MED21: variants seen among roughly 807,000 people sequenced by gnomAD.
MED21 encodes mediator complex subunit 21.
Under a neutral mutation model 18.2 loss-of-function variants are expected in MED21, and 9 were observed. The ratio of observed to expected loss-of-function variants is 0.49; its 90% CI spans 0.30 to 0.86. The LOEUF is 0.86. Among genes scored for constraint, MED21 ranks in the 40% least tolerant of loss-of-function variants. The pLI, the probability that MED21 is intolerant of heterozygous loss-of-function variation, is 0.07. For synonymous variants in MED21, 73 were observed against 60.5 expected (o/e 1.21, Z -0.96); for missense variants, 150 against 170.9 (o/e 0.88, Z 0.68).
chr12:27,036,478 A>G (rs1303638414), intron 2 of MED21, among the ~76,000 whole-genome samples: 1 of 152,152 alleles, frequency 6.6e-6, no homozygotes, highest in Non-Finnish European at 1.5e-5. Context: ...TTTTATTGCC[A>G]TTGCTTTTGG....
downstream of MED21, among the ~76,000 whole-genome samples, chr12:27,033,744 T>G (rs1941633288): frequency 6.6e-6 from 1 of 152,120 alleles, no homozygotes. Context: ...TACTAAGAGA[T>G]AAAACTCAGG....
At position 27,029,051 on chromosome 12, in the gene MED21, C is replaced by T; in HGVS notation, c.*590C>T. The T allele has an allele frequency of 3.0e-6, 3 of 985,390 alleles. No individual in the cohort carries two copies. Among genetic ancestry groups the T allele is most frequent in the Non-Finnish European group, 3.6e-6 (3 of 829,912 alleles). The allele number at this position is 985,390 out of a possible 1,614,324, so 61.0% of individuals were successfully genotyped here. On this transcript the variant is annotated 3_prime_UTR_variant, in exon 4 of 4. Coordinates refer to ENST00000282892, the MANE Select transcript of MED21 (RefSeq NM_004264.5). ...CTAGTTCATCTCCACGTTTATTTTACCAAGAGATCCTCTGTCAAGAGAATT... is the reference window on the plus strand; with the variant it reads ...CTAGTTCATCTCCACGTTTATTTTATCAAGAGATCCTCTGTCAAGAGAATT...
At chr12:27,037,566 G>A (rs1372319752) in intron 2 of MED21, 1 of 152,100 alleles carries the variant, frequency 6.6e-6, no homozygotes, top group Non-Finnish European at 1.5e-5. Context: ...AGTAAACATG[G>A]AAAAATAGCA....
At chr12:27,022,835 T>A in intron 1 of MED21, 1 of 1,481,624 alleles carries the variant, frequency 6.7e-7, no homozygotes, top group Non-Finnish European at 9.0e-7. Context: ...AGCAGACTCT[T>A]TCGCTTGAGG....
chr12:27,025,411 TA>T (rs1941530699), intron 1 of MED21, among the ~76,000 whole-genome samples: 1 of 152,214 alleles, frequency 6.6e-6, no homozygotes, highest in Non-Finnish European at 1.5e-5. Flanking sequence ...GTTGGAGATT[TA>T]TCTTGAAGAC....
chr12:27,025,954 A>G (rs528368259), intron 1 of MED21, among the ~76,000 whole-genome samples: 1 of 152,296 alleles, frequency 6.6e-6, no homozygotes, highest in South Asian at 2.1e-4. Flanking sequence ...ATTTCTTTAC[A>G]CTTGTAACTA....
chr12:27,025,832 C>A lies in MED21; in HGVS notation c.43-588C>A, dbSNP rs79165374. Among the ~76,000 whole-genome samples, 1,044 of 152,142 alleles carry A rather than the reference C, an allele frequency of 6.9e-3. 16 individuals are homozygous for A. Among genetic ancestry groups the A allele is most frequent in the African/African-American group, 0.023 (970 of 41,558 alleles). The stretch of plus-strand genomic sequence containing the variant: ...ATGGTAAGGAATTGCTATTCCCAAT[C>A]TTTAAAAGTACTTAAGGAATACTTT... On this transcript the variant is annotated intron_variant, in intron 1 of 3. Transcript: ENST00000282892.
chr12:27,033,818 A>G (rs915556305), downstream of MED21, among the ~76,000 whole-genome samples: 7 of 152,254 alleles, frequency 4.6e-5, no homozygotes, highest in Admixed American at 6.5e-5. Flanking sequence ...CAAACTATGC[A>G]TAGAAACTTG....
intron 2 of MED21, among the ~76,000 whole-genome samples, chr12:27,036,152 C>T (rs1941648373): frequency 6.6e-6 from 1 of 152,168 alleles, no homozygotes; most frequent in Non-Finnish European, 1.5e-5. Flanking sequence ...GAGATGATAT[C>T]CCATTGTGGT....
chr12:27,033,131 A>G (rs1052357873), downstream of MED21, among the ~76,000 whole-genome samples: 2 of 152,172 alleles, frequency 1.3e-5, no homozygotes, highest in Admixed American at 6.5e-5. Context: ...CCCTATTGCA[A>G]TAGTTCCTCT....
Position 27,022,567 on chromosome 12 carries a change from C to G in MED21, c.-13C>G. The G allele has an allele frequency of 6.5e-7, 1 of 1,538,168 alleles. No homozygotes were observed. The highest frequency in any genetic ancestry group is 1.4e-5 in the African/African-American group (1 of 72,410). On this transcript the variant is annotated 5_prime_UTR_variant, in exon 1 of 4. Transcript: ENST00000282892. The stretch of plus-strand genomic sequence containing the variant: ...GAGCAGCTGTTTTGGCGTCTGTTTG[C>G]TGCGGTAGGAACATGGCGGATCGGC...
rs779768819 is a variant in MED21 at position 27,028,251 on chromosome 12, ACT to A, written c.259-31_259-30del. The A allele has an allele frequency of 7.8e-6, 12 of 1,546,798 alleles. No individual in the cohort carries two copies. In the African/African-American group the frequency reaches 1.6e-4, roughly 21 times the overall value. On this transcript the variant is annotated intron_variant, in intron 3 of 3. Coordinates refer to ENST00000282892, the MANE Select transcript of MED21 (RefSeq NM_004264.5). ...CATCTGTGACAGCTTCTCTTTCTAA[ACT>A]CTAAAGATTTTAAAATTTGTGTCTT...
intron 2 of MED21, 38 bp downstream of exon 2, chr12:27,026,572 C>A: frequency 2.3e-6 from 3 of 1,320,818 alleles, no homozygotes; most frequent in Non-Finnish European, 3.3e-6. Context: ...GTTTGACTCT[C>A]ACATTTTTTG....
At chr12:27,037,687 C>A (rs1941658221) in intron 2 of MED21, 1 of 151,992 alleles carries the variant, frequency 6.6e-6, no homozygotes, top group Non-Finnish European at 1.5e-5. Context: ...GTATTTTTAT[C>A]AATTTAGAGA....
In MED21 at chr12:27,030,287, G is replaced by A. The variant is rs1170622258; in HGVS notation, c.*1826G>A. 2.8e-5 allele frequency: 14 copies of A among 505,200 alleles called. No homozygotes were observed. Among genetic ancestry groups the A allele is most frequent in the Admixed American group, 1.7e-4 (5 of 29,634 alleles). 31.3% of individuals were successfully genotyped at this position (505,200 alleles called of 1,614,324 possible). On this transcript the variant is annotated 3_prime_UTR_variant, in exon 4 of 4. Coordinates refer to ENST00000282892, the MANE Select transcript of MED21 (RefSeq NM_004264.5). ...TGGGACTACAGGCATGTACTACCAC[G>A]TCCAGCTAATTTTTTTTTTCTTTTT...
At chr12:27,036,087 C>T (rs1471848444) in intron 2 of MED21, among the ~76,000 whole-genome samples, 1 of 152,174 alleles carries the variant, frequency 6.6e-6, no homozygotes, top group Non-Finnish European at 1.5e-5. Context: ...TCTCAACATC[C>T]TCTCCAGCAC....
At position 27,027,314 on chromosome 12, in the gene MED21, CTA is replaced by C. The variant is rs761607151; in HGVS notation, c.158-32_158-31del. On this transcript the variant is annotated intron_variant, in intron 2 of 3. Coordinates refer to ENST00000282892, the MANE Select transcript of MED21 (RefSeq NM_004264.5). ...TTTGTTTCTGAAAACTTGAGGTTTT[CTA>C]ATATCCTAATCTAGCAGTATCTTTC... The C allele has an allele frequency of 2.7e-6, 4 of 1,491,304 alleles. No homozygotes were observed. The African/African-American group carries it at 5.6e-5, about 21-fold the overall frequency. 92.4% of individuals were successfully genotyped at this position (1,491,304 alleles called of 1,614,324 possible). A position where few individuals can be genotyped will look rare whatever the true frequency, so the allele number is the denominator to read the frequency against.
Position 27,029,557 on chromosome 12 carries a change from C to T in MED21, c.*1096C>T. ...TTTAAGTTTCAGGAGAAAACAGGAA[C>T]AATAGAACACTCTGCCTGTTATTTT... is the stretch of plus-strand genomic sequence containing the variant. On this transcript the variant is annotated 3_prime_UTR_variant, in exon 4 of 4. Coordinates refer to ENST00000282892, the MANE Select transcript of MED21 (RefSeq NM_004264.5). 3.0e-6 allele frequency: 3 copies of T among 985,364 alleles called. No individual in the cohort carries two copies. Among genetic ancestry groups the T allele is most frequent in the Non-Finnish European group, 3.6e-6 (3 of 829,884 alleles). The allele number at this position is 985,364 out of a possible 1,614,324, so 61.0% of individuals were successfully genotyped here.
intron 2 of MED21, chr12:27,038,803 G>A (rs2136500941): frequency 6.6e-6 from 1 of 152,310 alleles, no homozygotes; most frequent in East Asian, 1.9e-4. Flanking sequence ...TAAAGTCAAT[G>A]CCTATGGAGT....
Sources: gnomAD v4.1 joint callset for allele counts (sites outside exome capture counted in the v4.1 genomes callset) on GRCh38, gnomAD v4.1.1 for gene constraint, MANE v1.5 for transcripts, NCBI Gene and HGNC (gene_info 2026-07-23, HGNC 2026-07-21) for gene names.